Variants in LRP1B observed in about 807,000 individuals in gnomAD.
The protein encoded by LRP1B is low-density lipoprotein receptor-related protein 1B.
Under a neutral mutation model 556.6 loss-of-function variants are expected in LRP1B, and 217 were observed. The ratio of observed to expected loss-of-function variants is 0.39; its 90% CI spans 0.35 to 0.44. The LOEUF is 0.44. Ranked by LOEUF, LRP1B falls within the 20% of genes least tolerant of loss-of-function variation. LRP1B has a pLI of 1.00. For synonymous variants in LRP1B, 2,047 were observed against 1,865.8 expected (o/e 1.10, Z -2.50); for missense variants, 5,053 against 5,620.8 (o/e 0.90, Z 3.23).
At chr2:141,333,433 A>T (rs1447811188) in intron 3 of LRP1B, among the ~76,000 whole-genome samples, 2 of 152,158 alleles carry the variant, frequency 1.3e-5, no homozygotes, top group Non-Finnish European at 2.9e-5. Context: ...TAGCCAATAG[A>T]TGCATCTTTC....
chr2:140,580,252 G>A (rs114065945), intron 43 of LRP1B, among the ~76,000 whole-genome samples: 2,134 of 152,266 alleles, frequency 0.014, 21 homozygotes, highest in Middle Eastern at 0.034. Context: ...CAAAAAAGAC[G>A]CAAGGTCTGG....
At chr2:140,987,658 G>A (rs537135306) in intron 17 of LRP1B, among the ~76,000 whole-genome samples, 1 of 152,196 alleles carries the variant, frequency 6.6e-6, no homozygotes, top group East Asian at 1.9e-4. Flanking sequence ...ATGTTATAAA[G>A]CATAATCTGT....
chr2:140,386,689 T>C (rs112017236), intron 66 of LRP1B, among the ~76,000 whole-genome samples: 1,592 of 152,346 alleles, frequency 0.01, 32 homozygotes, highest in African/African-American at 0.037. Context: ...AGGAACTTAA[T>C]AAATTTTCAC....
chr2:141,211,400 T>C (rs916315477), intron 6 of LRP1B, among the ~76,000 whole-genome samples: 3 of 150,266 alleles, frequency 2.0e-5, no homozygotes, highest in Non-Finnish European at 4.4e-5. Context: ...GGCAGGTGGA[T>C]CACGAGGTCA....
intron 3 of LRP1B, among the ~76,000 whole-genome samples, chr2:141,294,404 T>A: frequency 6.8e-6 from 1 of 147,538 alleles, no homozygotes; most frequent in East Asian, 2.0e-4. Flanking sequence ...TATCATGAAA[T>A]ATCTTAAGTA....
intron 18 of LRP1B, among the ~76,000 whole-genome samples, chr2:140,968,329 T>C (rs762662277): frequency 9.4e-4 from 143 of 152,132 alleles, no homozygotes; most frequent in Non-Finnish European, 1.6e-3. Context: ...GAGGTGTTTA[T>C]AGTATTCTCT....
chr2:140,595,090 A>ATATC (rs1207265838), intron 43 of LRP1B, among the ~76,000 whole-genome samples: 508 of 3,286 alleles, frequency 0.15, 16 homozygotes, highest in African/African-American at 0.22. Flanking sequence ...TAAATTGAAT[A>ATATC]TATATATATA....
chr2:141,167,711 A>G (rs1002169878), intron 7 of LRP1B, among the ~76,000 whole-genome samples: 1 of 151,960 alleles, frequency 6.6e-6, no homozygotes, highest in African/African-American at 2.4e-5. Flanking sequence ...AGGGATTTTC[A>G]TCATAGTTTA....
intron 11 of LRP1B, among the ~76,000 whole-genome samples, chr2:141,045,732 A>G (rs1371792930): frequency 6.6e-6 from 1 of 152,130 alleles, no homozygotes; most frequent in Non-Finnish European, 1.5e-5. Context: ...ATCACCTAGA[A>G]CAGCACCTGG....
At chr2:142,035,361 T>C (rs534505990) in intron 1 of LRP1B, among the ~76,000 whole-genome samples, 1 of 151,668 alleles carries the variant, frequency 6.6e-6, no homozygotes, top group African/African-American at 2.4e-5. Context: ...TGGATGCTTA[T>C]CAAAATCACC....
chr2:140,762,400 A>C (rs568690337), intron 35 of LRP1B, among the ~76,000 whole-genome samples: 3 of 152,246 alleles, frequency 2.0e-5, no homozygotes, highest in African/African-American at 7.2e-5. Flanking sequence ...TGATAAATTA[A>C]ATGACATAAA....
intron 21 of LRP1B, among the ~76,000 whole-genome samples, chr2:140,915,897 A>G (rs1573875495): frequency 6.6e-6 from 1 of 151,644 alleles, no homozygotes; most frequent in East Asian, 2.0e-4. Flanking sequence ...GTGAGGGGGC[A>G]GGCGCCTGTA....
At chr2:140,253,121 G>A (rs544894866) in intron 86 of LRP1B, among the ~76,000 whole-genome samples, 108 of 151,928 alleles carry the variant, frequency 7.1e-4, no homozygotes, top group African/African-American at 2.1e-3. Flanking sequence ...TATGTCTGTT[G>A]TAATAAATTT....
At chr2:142,008,761 C>T (rs891991228) in intron 1 of LRP1B, among the ~76,000 whole-genome samples, 2 of 151,836 alleles carry the variant, frequency 1.3e-5, no homozygotes, top group African/African-American at 4.8e-5. Flanking sequence ...CTTGATTTAC[C>T]TGAATCTTAA....
intron 89 of LRP1B, among the ~76,000 whole-genome samples, chr2:140,235,530 T>C (rs1006563738): frequency 1.6e-4 from 24 of 151,182 alleles, no homozygotes; most frequent in Non-Finnish European, 2.4e-4. Context: ...TTTTCTGTAG[T>C]TACTCATTTG....
At chr2:142,067,368 T>C (rs1176131787) in intron 1 of LRP1B, among the ~76,000 whole-genome samples, 1 of 151,490 alleles carries the variant, frequency 6.6e-6, no homozygotes, top group Non-Finnish European at 1.5e-5. Context: ...AAAAATGTAA[T>C]ATATTCCATG....
At chr2:142,039,470 C>CT (rs11453304) in intron 1 of LRP1B, among the ~76,000 whole-genome samples, 150,113 of 151,516 alleles carry the variant, frequency 0.99, 74,363 homozygotes, top group East Asian at 1. Flanking sequence ...TGTTCTGGTC[C>CT]GAAAACAGAA....
chr2:141,588,376 G>A (rs973565023), intron 2 of LRP1B, among the ~76,000 whole-genome samples: 5 of 152,050 alleles, frequency 3.3e-5, no homozygotes, highest in African/African-American at 1.2e-4. Flanking sequence ...AAGCTACTTA[G>A]AGAAGGGACT....
At chr2:141,313,088 C>T (rs1449889002) in intron 3 of LRP1B, among the ~76,000 whole-genome samples, 12 of 152,156 alleles carry the variant, frequency 7.9e-5, no homozygotes, top group African/African-American at 2.9e-4. Flanking sequence ...CCCACCCCGA[C>T]ACACAGTAGA....
Sources: gnomAD v4.1 joint callset for allele counts (sites outside exome capture counted in the v4.1 genomes callset) on GRCh38, gnomAD v4.1.1 for gene constraint, MANE v1.5 for transcripts, NCBI Gene and HGNC (gene_info 2026-07-23, HGNC 2026-07-21) for gene names.